Variants in AVIL observed in about 807,000 individuals in gnomAD.
AVIL encodes the protein advillin.
A neutral mutation model predicts 109.9 loss-of-function variants in AVIL; 78 were observed. That is an observed-to-expected ratio of 0.71 (90% CI 0.59 to 0.86). AVIL has a LOEUF of 0.86. Ranked by LOEUF, AVIL falls within the 40% of genes least tolerant of loss-of-function variation. The probability of loss-of-function intolerance (pLI) is 0.00; values close to 1 mark genes in which losing one functional copy is unlikely to be tolerated. For synonymous variants in AVIL, 367 were observed against 379.1 expected (o/e 0.97, Z 0.37); for missense variants, 892 against 1,016.5 (o/e 0.88, Z 1.67).
At chr12:57,818,182 C>CTTTTTTTGTTTTTT (rs1956120143) in intron 1 of AVIL, among the ~76,000 whole-genome samples, 1 of 35,256 alleles carries the variant, frequency 2.8e-5, no homozygotes, top group Admixed American at 5.4e-4. Flanking sequence ...CCATGCTTGG[C>CTTTTTTTGTTTTTT]TTTTTTTTTT....
rs1955759862 is a variant in AVIL at position 57,797,492 on chromosome 12, A to G, written c.*390T>C. The G allele has an allele frequency of 3.1e-6, 3 of 979,254 alleles. No individual in the cohort carries two copies. Among genetic ancestry groups the G allele is most frequent in the Admixed American group, 6.1e-5 (1 of 16,278 alleles). The allele number at this position is 979,254 out of a possible 1,614,324, so 60.7% of individuals were successfully genotyped here. The stretch of plus-strand genomic sequence containing the variant: ...ATATGATTTCAATGATTTACAGGCT[A>G]AATAGATTTTAGAAATAATCATCTT... On this transcript the variant is annotated 3_prime_UTR_variant, in exon 20 of 20. Transcript: ENST00000549994.
intron 17 of AVIL, among the ~76,000 whole-genome samples, chr12:57,801,808 T>C (rs1490754873): frequency 6.6e-6 from 1 of 152,174 alleles, no homozygotes; most frequent in South Asian, 2.1e-4. Context: ...ACTGTGACTT[T>C]AGACAAATGA....
Position 57,808,202 on chromosome 12 carries a change from T to C in AVIL, c.1186A>G (p.Lys396Glu). 1 of 1,614,164 alleles carries C rather than the reference T, an allele frequency of 6.2e-7. No homozygotes were observed. ...TGAATCATTGGGCTTACCTCAACTT[T>C]TCCGTTGCCATCATCGACCATTCTT... ...QERMVDDGNG[K>E]VEVWRIENLE... The change falls in exon 11 of 20, where the codon AAA becomes GAA. Residue 396 changes from lysine (K) to glutamate (E), a missense_variant. By Grantham distance (56) the Lys-to-Glu change is moderately conservative. Transcript: ENST00000549994.
chr12:57,803,630 C>G lies in AVIL; in HGVS notation c.1711G>C (p.Ala571Pro). 1 of 1,614,138 alleles carries G rather than the reference C, an allele frequency of 6.2e-7. No individual in the cohort carries two copies. The highest frequency in any genetic ancestry group is 8.5e-7 in the Non-Finnish European group (1 of 1,180,034). The part of the protein sequence containing the change: ...GDERAMAKEL[A>P]SLLCDGSENT... ...TCGCTGCCATCACAGAGAAGGCTGG[C>G]CAGCTCCTTAGCCATTGCCCGCTCA... Residue 571 changes from alanine to proline, a missense_variant, in exon 15 of 20, where the codon GCC becomes CCC. Coordinates refer to ENST00000549994, the MANE Select transcript of AVIL (RefSeq NM_006576.4).
At position 57,807,405 on chromosome 12, in the gene AVIL, G is replaced by A; in HGVS notation, c.1417C>T (p.Gln473Ter). The change falls in exon 13 of 20, where the codon CAG becomes TAG. Residue 473 changes from glutamine (Q) to a stop codon, truncating the protein, a stop_gained. Transcript: ENST00000549994. LOFTEE classifies it high-confidence loss of function. ...TCCGTTCCCATCCTGACTCGAACCT[G>A]CACAGCAGCCCCATCAAACTGCCGA... The part of the protein sequence containing the change: ...VDRQFDGAAV[Q>*]VRVRMGTEPR... 6.2e-7 allele frequency: 1 copy of A among 1,614,216 alleles called. No homozygotes were observed. The highest frequency in any genetic ancestry group is 1.1e-5 in the South Asian group (1 of 91,088).
chr12:57,811,134 G>A lies in AVIL; in HGVS notation c.339-7C>T, dbSNP rs1327606150. The A allele has an allele frequency of 1.9e-6, 3 of 1,613,686 alleles. No homozygotes were observed. In the South Asian group the frequency reaches 3.3e-5, roughly 18 times the overall value. On this transcript the variant is annotated splice_region_variant and splice_polypyrimidine_tract_variant and intron_variant, in intron 4 of 19. Coordinates refer to ENST00000549994, the MANE Select transcript of AVIL (RefSeq NM_006576.4). ...GACACCCCCCTGCTTGTAGCTAAGGGAACATCCATTCAGTTATTTGAGTGC... is the reference window on the plus strand; with the variant it reads ...GACACCCCCCTGCTTGTAGCTAAGGAAACATCCATTCAGTTATTTGAGTGC...
In AVIL at chr12:57,797,924, G is replaced by T; in HGVS notation, c.2418C>A (p.Gly806=). The part of the protein sequence containing the change: ...ITRGQFAALP[G]WKQLQMKKEK... ...CTTTCTTCATTTGGAGCTGTTTCCAGCCAGGCAGAGCTGCAAATTGCCCTC... is the reference window on the plus strand; with the variant it reads ...CTTTCTTCATTTGGAGCTGTTTCCATCCAGGCAGAGCTGCAAATTGCCCTC... The change falls in exon 20 of 20, where the codon GGC becomes GGA. Residue 806 remains glycine (G), a synonymous_variant. Coordinates refer to ENST00000549994, the MANE Select transcript of AVIL (RefSeq NM_006576.4). The T allele has an allele frequency of 6.2e-7, 1 of 1,612,248 alleles. No homozygotes were observed. Among genetic ancestry groups the T allele is most frequent in the Middle Eastern group, 1.7e-4 (1 of 6,056 alleles).
intron 17 of AVIL, among the ~76,000 whole-genome samples, 166 bp downstream of exon 17, chr12:57,801,994 G>A (rs1400197846): frequency 6.6e-6 from 1 of 152,196 alleles, no homozygotes; most frequent in Admixed American, 6.5e-5. Flanking sequence ...TTACTGCTGT[G>A]GCAGGTGAAA....
intron 4 of AVIL, among the ~76,000 whole-genome samples, chr12:57,811,783 T>C (rs1362152993): frequency 2.0e-5 from 3 of 152,216 alleles, no homozygotes; most frequent in Non-Finnish European, 4.4e-5. Context: ...CTCAAGCTCA[T>C]TGGAATTCCT....
chr12:57,801,271 T>C (rs1463093771), intron 17 of AVIL, 59 bp from the exon 18 acceptor site: 1 of 1,421,970 alleles, frequency 7.0e-7, no homozygotes, highest in Non-Finnish European at 9.9e-7. Context: ...AGGGACATCT[T>C]AGGTCTGGTC....
chr12:57,807,734 A>ATAG lies in AVIL; in HGVS notation c.1195-10_1195-8dup, dbSNP rs1955972915. 2.5e-6 allele frequency: 4 copies of ATAG among 1,613,770 alleles called. No homozygotes were observed. The South Asian group carries it at 4.4e-5, about 18-fold the overall frequency. On this transcript the variant is annotated splice_region_variant and splice_polypyrimidine_tract_variant and intron_variant, in intron 11 of 19. Coordinates refer to ENST00000549994, the MANE Select transcript of AVIL (RefSeq NM_006576.4). Reference sequence around the variant, plus strand: ...GGTTCTCAATTCTCCAGACCTGGGCATAGAAGGAGACACCGTTTTCCAGAG... The same window carrying ATAG: ...GGTTCTCAATTCTCCAGACCTGGGCATAGTAGAAGGAGACACCGTTTTCCAGAG...
chr12:57,816,128 G>T, intron 1 of AVIL, 69 bp from the exon 2 acceptor site: 1 of 1,334,180 alleles, frequency 7.5e-7, no homozygotes, highest in Non-Finnish European at 1.0e-6. Flanking sequence ...CAGTTTTTCT[G>T]CCGAGCTGCT....
At chr12:57,800,362 C>G (rs2140436283) in intron 18 of AVIL, 1 of 157,596 alleles carries the variant, frequency 6.3e-6, no homozygotes, top group Admixed American at 6.1e-5. Context: ...ACAGAATTGC[C>G]AGATGGTTTG....
Position 57,808,049 on chromosome 12 carries a change from C to T in AVIL, c.1194+145G>A, listed in dbSNP as rs374854949. The T allele has an allele frequency of 5.6e-5, 55 of 973,900 alleles. 1 individual carries two copies. The highest frequency in any genetic ancestry group is 4.7e-4 in the Middle Eastern group (2 of 4,296). 60.3% of individuals were successfully genotyped at this position (973,900 alleles called of 1,614,324 possible). A position where few individuals can be genotyped will look rare whatever the true frequency, so the allele number is the denominator to read the frequency against. The stretch of plus-strand genomic sequence containing the variant: ...CACTACCCTGAAAACTCTACAGACT[C>T]ACAAGACTCTTAAAGAAGACTCCTG... On this transcript the variant is annotated intron_variant, in intron 11 of 19. Coordinates refer to ENST00000549994, the MANE Select transcript of AVIL (RefSeq NM_006576.4).
Position 57,806,219 on chromosome 12 carries a change from G to C in AVIL, c.1671+141C>G, listed in dbSNP as rs776036133. On this transcript the variant is annotated intron_variant, in intron 14 of 19. Transcript: ENST00000549994. The stretch of plus-strand genomic sequence containing the variant: ...CACAGGGACCATGCTAATCTTCTCT[G>C]TATCATTCCAGTTTTAGTATATGTG... 5.6e-5 allele frequency: 41 copies of C among 735,078 alleles called. No homozygotes were observed. In the Admixed American group the frequency reaches 8.5e-4, roughly 15 times the overall value. The allele number at this position is 735,078 out of a possible 1,614,324, so 45.5% of individuals were successfully genotyped here.
intron 13 of AVIL, 31 bp downstream of exon 13, chr12:57,807,300 T>C: frequency 1.2e-6 from 2 of 1,613,810 alleles, no homozygotes; most frequent in Non-Finnish European, 1.7e-6. Flanking sequence ...ACGTTCCAGC[T>C]CATGGTGTAA....
chr12:57,814,783 T>C (rs537803080), intron 2 of AVIL: 1 of 154,544 alleles, frequency 6.5e-6, no homozygotes, highest in South Asian at 2.0e-4. Flanking sequence ...TATCACTGCA[T>C]GTATGGCTTG....
intron 1 of AVIL, among the ~76,000 whole-genome samples, chr12:57,817,860 G>C (rs1434213496): frequency 6.6e-6 from 1 of 152,158 alleles, no homozygotes; most frequent in African/African-American, 2.4e-5. Flanking sequence ...CCAAAGCTGG[G>C]TCTCTCCTTC....
Position 57,808,218 on chromosome 12 carries a change from G to A in AVIL, c.1170C>T (p.Val390=), listed in dbSNP as rs1280799750. 3 of 1,614,104 alleles carry A rather than the reference G, an allele frequency of 1.9e-6. No homozygotes were observed. Among genetic ancestry groups the A allele is most frequent in the Admixed American group, 3.3e-5 (2 of 60,018 alleles). The stretch of plus-strand genomic sequence containing the variant: ...CCTCAACTTTTCCGTTGCCATCATC[G>A]ACCATTCTTTCCTGGGCAGCTACCT... The part of the protein sequence containing the change: ...KPEVAAQERM[V]DDGNGKVEVW... Residue 390 remains valine (V), a synonymous_variant, in exon 11 of 20, where the codon GTC becomes GTT. Coordinates refer to ENST00000549994, the MANE Select transcript of AVIL (RefSeq NM_006576.4).
Sources: allele counts gnomAD v4.1 joint callset (sites outside exome capture counted in the v4.1 genomes callset), GRCh38; gene constraint gnomAD v4.1.1; transcripts MANE v1.5; gene names NCBI Gene and HGNC (gene_info 2026-07-23, HGNC 2026-07-21).